Variants in PLCG2 observed in about 807,000 individuals in gnomAD.
PLCG2 encodes 1-phosphatidylinositol 4,5-bisphosphate phosphodiesterase gamma-2.
In PLCG2, 69 loss-of-function variants were observed where a neutral mutation model predicts 175.6. The ratio of observed to expected loss-of-function variants is 0.39; its 90% CI spans 0.32 to 0.48. The LOEUF (loss-of-function observed/expected upper bound fraction) is 0.48. Ranked by LOEUF, PLCG2 falls within the 20% of genes least tolerant of loss-of-function variation. The pLI is 0.91. For missense variants in PLCG2, 1,798 were observed against 1,650.9 expected (o/e 1.09, Z -1.54); for synonymous variants, 827 against 624.0 (o/e 1.33, Z -4.85).
chr16:81,892,544 A>C (rs1022443949), intron 11 of PLCG2, among the ~76,000 whole-genome samples: 2 of 152,114 alleles, frequency 1.3e-5, no homozygotes, highest in African/African-American at 4.8e-5. Flanking sequence ...TTCAGGGGGA[A>C]ATTGATTTCA....
intron 1 of PLCG2, among the ~76,000 whole-genome samples, chr16:81,783,810 A>C (rs1323509772): frequency 6.7e-6 from 1 of 148,540 alleles, no homozygotes; most frequent in East Asian, 2.0e-4. Flanking sequence ...ATAAGGTAAG[A>C]TGCACATTAA....
chr16:81,920,180 C>T (rs773840999), intron 20 of PLCG2, among the ~76,000 whole-genome samples: 124 of 152,174 alleles, frequency 8.1e-4, no homozygotes, highest in Non-Finnish European at 1.4e-3. Flanking sequence ...CATGCAGGGG[C>T]TCATAGGCCA....
At chr16:81,889,104 A>C in intron 9 of PLCG2, 68 bp from the exon 10 acceptor site, 1 of 942,288 alleles carries the variant, frequency 1.1e-6, no homozygotes, top group Non-Finnish European at 1.7e-6. Context: ...GACTGGATGG[A>C]CCCTGGGAAA....
At chr16:81,900,303 G>C (rs1909091885) in intron 13 of PLCG2, among the ~76,000 whole-genome samples, 1 of 152,018 alleles carries the variant, frequency 6.6e-6, no homozygotes, top group Non-Finnish European at 1.5e-5. Context: ...GTTTGAACTT[G>C]AAAAAAAGAT....
intron 32 of PLCG2, among the ~76,000 whole-genome samples, chr16:81,957,329 C>A (rs554178543): frequency 1.2e-3 from 175 of 151,570 alleles, no homozygotes; most frequent in African/African-American, 4.1e-3. Context: ...ACAAAAAATC[C>A]TTTGGCACCC....
At chr16:81,814,508 A>T (rs901223853) in intron 2 of PLCG2, among the ~76,000 whole-genome samples, 1 of 151,920 alleles carries the variant, frequency 6.6e-6, no homozygotes, top group African/African-American at 2.4e-5. Context: ...GCCTGGCCAA[A>T]ATGGTGAAAT....
chr16:81,947,802 AC>A (rs1911208131), intron 31 of PLCG2, among the ~76,000 whole-genome samples: 1 of 152,172 alleles, frequency 6.6e-6, no homozygotes, highest in South Asian at 2.1e-4. Flanking sequence ...CCATTTTATT[AC>A]CTACTGTATT....
intron 27 of PLCG2, among the ~76,000 whole-genome samples, 153 bp downstream of exon 27, chr16:81,936,531 G>C (rs984956544): frequency 6.6e-6 from 1 of 152,216 alleles, no homozygotes; most frequent in Non-Finnish European, 1.5e-5. Context: ...TGGTTAGTAT[G>C]AGGTCCAGCA....
chr16:81,838,236 G>T (rs950837274), intron 2 of PLCG2, among the ~76,000 whole-genome samples: 5 of 151,986 alleles, frequency 3.3e-5, no homozygotes, highest in African/African-American at 9.7e-5. Context: ...GTAGGCACCT[G>T]CCACCATGCC....
chr16:81,961,940 TCTGG>T lies in PLCG2; in HGVS notation c.*3946_*3949del. ...GATTGCTGATCGGATGTGAGGGCGA[TCTGG>T]CTGCGACATCTGTCACCCCATTGAT... On this transcript the variant is annotated 3_prime_UTR_variant, in exon 33 of 33. Coordinates refer to ENST00000564138, the MANE Select transcript of PLCG2 (RefSeq NM_002661.5). 1 of 197,372 alleles carries T rather than the reference TCTGG, an allele frequency of 5.1e-6. No individual in the cohort carries two copies. Among genetic ancestry groups the T allele is most frequent in the Non-Finnish European group, 1.1e-5 (1 of 94,634 alleles). The allele number at this position is 197,372 out of a possible 1,614,324, so 12.2% of individuals were successfully genotyped here.
chr16:81,883,580 A>T, intron 9 of PLCG2: 1 of 557,678 alleles, frequency 1.8e-6, no homozygotes, highest in Admixed American at 3.1e-5. Flanking sequence ...CCTCTTTTGA[A>T]GGCACACATT....
chr16:81,904,544 C>T (rs1253502071), intron 14 of PLCG2, among the ~76,000 whole-genome samples: 7 of 152,328 alleles, frequency 4.6e-5, no homozygotes, highest in Admixed American at 2.0e-4. Flanking sequence ...GCACCCCGGT[C>T]GCCTTAGTCT....
chr16:81,957,575 ATG>A (rs1911625642), intron 32 of PLCG2, among the ~76,000 whole-genome samples: 1 of 152,150 alleles, frequency 6.6e-6, no homozygotes, highest in African/African-American at 2.4e-5. Flanking sequence ...TGCTACAGGC[ATG>A]TAATGGGGTG....
At chr16:81,817,783 G>A (rs989142900) in intron 2 of PLCG2, among the ~76,000 whole-genome samples, 3 of 152,214 alleles carry the variant, frequency 2.0e-5, no homozygotes, top group Admixed American at 6.5e-5. Context: ...CCCTGCACTC[G>A]GTTGTGATTC....
At chr16:81,922,902 AC>A (rs1462648447) in intron 21 of PLCG2, among the ~76,000 whole-genome samples, 1 of 152,162 alleles carries the variant, frequency 6.6e-6, no homozygotes, top group Non-Finnish European at 1.5e-5. Context: ...AACAGAGACC[AC>A]CTTTTGATGA....
chr16:81,815,242 G>A (rs1238387389), intron 2 of PLCG2, among the ~76,000 whole-genome samples: 1 of 152,186 alleles, frequency 6.6e-6, no homozygotes, highest in Admixed American at 6.5e-5. Flanking sequence ...GGACAGTGAA[G>A]GGAGGGGGTT....
At chr16:81,848,791 T>A (rs1265765846) in intron 2 of PLCG2, among the ~76,000 whole-genome samples, 1 of 152,172 alleles carries the variant, frequency 6.6e-6, no homozygotes. Flanking sequence ...TGTATGGAGC[T>A]TACAGTCTAG....
intron 5 of PLCG2, among the ~76,000 whole-genome samples, chr16:81,862,726 G>C (rs55797469): frequency 1.3e-5 from 2 of 151,984 alleles, no homozygotes; most frequent in Admixed American, 1.3e-4. Context: ...AAAAAAGTTA[G>C]CTGGGTGTAG....
intron 2 of PLCG2, chr16:81,798,646 G>A (rs1014839594): frequency 6.6e-6 from 1 of 152,426 alleles, no homozygotes; most frequent in South Asian, 2.1e-4. Flanking sequence ...GTAGGCGTGA[G>A]TTTTGGGAGG....
Sources: allele counts gnomAD v4.1 joint callset (sites outside exome capture counted in the v4.1 genomes callset), GRCh38; gene constraint gnomAD v4.1.1; transcripts MANE v1.5; gene names NCBI Gene and HGNC (gene_info 2026-07-23, HGNC 2026-07-21).